The following SAMSN1 variants were observed in gnomAD, a reference collection of about 807,000 sequenced individuals.
SAMSN1 encodes SAM domain, SH3 domain and nuclear localization signals 1.
In SAMSN1, 31 loss-of-function variants were observed where a neutral mutation model predicts 42.0. That is an observed-to-expected ratio of 0.74 (90% CI 0.55 to 1.00). SAMSN1 has a LOEUF of 1.00. Among genes scored for constraint, SAMSN1 ranks in the 50% least tolerant of loss-of-function variants. The pLI is 0.00. For synonymous variants in SAMSN1, 178 were observed against 151.9 expected (o/e 1.17, Z -1.26); for missense variants, 464 against 439.4 (o/e 1.06, Z -0.50).
chr21:14,567,718 G>A (rs1277163752), intron 2 of SAMSN1, among the ~76,000 whole-genome samples: 3 of 151,902 alleles, frequency 2.0e-5, no homozygotes, highest in Non-Finnish European at 4.4e-5. Flanking sequence ...GAGGTCCTAA[G>A]GTGATGTGTA....
chr21:14,658,724 A>C, intron 1 of SAMSN1: 1 of 715,220 alleles, frequency 1.4e-6, no homozygotes, highest in Admixed American at 2.0e-5. Context: ...TGAGAACATA[A>C]ATGCTGCAAA....
intron 2 of SAMSN1, among the ~76,000 whole-genome samples, chr21:14,557,409 T>C (rs1980796824): frequency 3.3e-5 from 5 of 152,154 alleles, no homozygotes; most frequent in Admixed American, 3.3e-4. Context: ...GGGACAAAGG[T>C]AGAAAGCCTG....
intron 2 of SAMSN1, among the ~76,000 whole-genome samples, chr21:14,634,129 A>T (rs1490270013): frequency 6.6e-6 from 1 of 151,828 alleles, no homozygotes; most frequent in Non-Finnish European, 1.5e-5. Flanking sequence ...CTGAAACTGG[A>T]CCCCTTCCTT....
rs550799541 is a variant in SAMSN1 at position 14,603,498 on chromosome 21, G to A, written c.323-1399C>T. On this transcript the variant is annotated intron_variant, in intron 5 of 15. Coordinates refer to the SAMSN1 transcript ENST00000647101. ...AGAATGGATACAGTTTGAAAAAGTG[G>A]AAGGAAAGGAAAAGGTGTAAATATA... 1.6e-4 allele frequency among the ~76,000 whole-genome samples: 25 copies of A among 152,318 alleles called. No individual in the cohort carries two copies. The South Asian group carries it at 5.2e-3, about 32-fold the overall frequency.
At chr21:14,621,308 G>A (rs1982997789) in intron 2 of SAMSN1, among the ~76,000 whole-genome samples, 1 of 152,104 alleles carries the variant, frequency 6.6e-6, no homozygotes, top group African/African-American at 2.4e-5. Context: ...TCAGACAGTG[G>A]GTGCAGCCCA....
At chr21:14,541,155 T>G (rs547729884) in intron 1 of SAMSN1, among the ~76,000 whole-genome samples, 1 of 141,482 alleles carries the variant, frequency 7.1e-6, no homozygotes, top group East Asian at 2.4e-4. Flanking sequence ...GGGGGAGGGA[T>G]AGCATTAAGA....
At chr21:14,638,512 G>T (rs1983520245) in intron 2 of SAMSN1, among the ~76,000 whole-genome samples, 1 of 152,044 alleles carries the variant, frequency 6.6e-6, no homozygotes, top group Non-Finnish European at 1.5e-5. Flanking sequence ...AGTTTCTATT[G>T]CATTCTACTG....
chr21:14,528,263 T>G (rs1416137224), intron 1 of SAMSN1, among the ~76,000 whole-genome samples: 1 of 152,166 alleles, frequency 6.6e-6, no homozygotes, highest in Non-Finnish European at 1.5e-5. Flanking sequence ...CTTCTTTCTC[T>G]TCTTCTCTAA....
At chr21:14,544,063 T>G (rs1980223216) in intron 1 of SAMSN1, among the ~76,000 whole-genome samples, 1 of 152,218 alleles carries the variant, frequency 6.6e-6, no homozygotes, top group African/African-American at 2.4e-5. Context: ...ATTTTTTTTC[T>G]TTTTGAGAAA....
At chr21:14,624,185 A>C (rs982702036) in intron 2 of SAMSN1, among the ~76,000 whole-genome samples, 15 of 152,218 alleles carry the variant, frequency 9.9e-5, no homozygotes, top group African/African-American at 3.6e-4. Context: ...GGAAGATCTA[A>C]AATCAACACC....
chr21:14,633,944 T>C (rs1983396969), intron 2 of SAMSN1, among the ~76,000 whole-genome samples: 1 of 152,182 alleles, frequency 6.6e-6, no homozygotes, highest in Non-Finnish European at 1.5e-5. Flanking sequence ...CTCATTAATA[T>C]CTAGTAGCTG....
chr21:14,577,407 C>G, intron 2 of SAMSN1, among the ~76,000 whole-genome samples: 1 of 149,770 alleles, frequency 6.7e-6, no homozygotes, highest in South Asian at 2.1e-4. Context: ...GCCACCACAC[C>G]TGGCCCCATT....
upstream of SAMSN1, among the ~76,000 whole-genome samples, chr21:14,549,761 C>G (rs1172060259): frequency 6.6e-6 from 1 of 152,060 alleles, no homozygotes; most frequent in Non-Finnish European, 1.5e-5. Context: ...GAAAAGGAGT[C>G]AATCATAAAA....
intron 7 of SAMSN1, among the ~76,000 whole-genome samples, chr21:14,492,225 G>A (rs1003042130): frequency 1.9e-4 from 29 of 152,114 alleles, no homozygotes; most frequent in East Asian, 1.3e-3. Context: ...TGTGTTTCAC[G>A]TTATTGCCCT....
intron 7 of SAMSN1, among the ~76,000 whole-genome samples, chr21:14,497,791 G>A (rs904471597): frequency 2.0e-5 from 3 of 152,098 alleles, no homozygotes; most frequent in Admixed American, 6.5e-5. Flanking sequence ...GGCAGGAAAG[G>A]CAGTCTGGAT....
chr21:14,559,841 T>A (rs939967579), intron 2 of SAMSN1, among the ~76,000 whole-genome samples: 5 of 152,098 alleles, frequency 3.3e-5, no homozygotes, highest in Non-Finnish European at 5.9e-5. Context: ...GAGATAAGAA[T>A]GAATGGGATT....
chr21:14,538,086 A>G (rs1300731833), intron 1 of SAMSN1, among the ~76,000 whole-genome samples: 2 of 152,250 alleles, frequency 1.3e-5, no homozygotes, highest in Non-Finnish European at 2.9e-5. Context: ...CATAAACACA[A>G]AAATGAAGAC....
chr21:14,576,339 G>A (rs1045353990), intron 2 of SAMSN1, among the ~76,000 whole-genome samples: 1 of 152,078 alleles, frequency 6.6e-6, no homozygotes, highest in Non-Finnish European at 1.5e-5. Context: ...AGAGACCGAG[G>A]GAGACTGCCA....
intron 2 of SAMSN1, among the ~76,000 whole-genome samples, chr21:14,519,320 A>G (rs1978324138): frequency 1.3e-5 from 2 of 152,196 alleles, no homozygotes; most frequent in Non-Finnish European, 1.5e-5. Context: ...TTTACAAATT[A>G]CTAGGCCACC....
Sources: gnomAD v4.1 joint callset for allele counts (sites outside exome capture counted in the v4.1 genomes callset) on GRCh38, gnomAD v4.1.1 for gene constraint, MANE v1.5 for transcripts, NCBI Gene and HGNC (gene_info 2026-07-23, HGNC 2026-07-21) for gene names.